OPRD1: variants seen among roughly 807,000 people sequenced by gnomAD.
The protein encoded by OPRD1 is opioid receptor delta 1, also known as delta-type opioid receptor.
A neutral mutation model predicts 17.5 loss-of-function variants in OPRD1; 19 were observed. The ratio of observed to expected loss-of-function variants is 1.09; its 90% CI spans 0.76 to 1.60. The LOEUF is 1.60. Among genes scored for constraint, OPRD1 ranks in the 40% most tolerant of loss-of-function variants. OPRD1 has a pLI of 0.00. For missense variants in OPRD1, 483 were observed against 547.2 expected, an observed-to-expected ratio of 0.88 and a Z score of 1.17; for synonymous variants, 256 against 240.9, an observed-to-expected ratio of 1.06 and a Z score of -0.58.
At chr1:28,823,387 G>GTTTGTTTATTTA (rs1298363911) in intron 1 of OPRD1, among the ~76,000 whole-genome samples, 3 of 141,018 alleles carry the variant, frequency 2.1e-5, no homozygotes, top group African/African-American at 8.4e-5. Flanking sequence ...TTATTTGTTT[G>GTTTGTTTATTTA]TTTATTTATT....
Position 28,867,136 on chromosome 1 carries a change from A to T in OPRD1, c.*3853A>T, listed in dbSNP as rs204072. 0.15 allele frequency: 23,496 copies of T among 151,602 alleles called. 2,795 individuals are homozygous for T. The highest frequency in any genetic ancestry group is 0.33 in the African/African-American group (13,532 of 41,282). The allele number at this position is 151,602 out of a possible 1,614,324, so 9.4% of individuals were successfully genotyped here. On this transcript the variant is annotated 3_prime_UTR_variant, in exon 3 of 3. Coordinates refer to ENST00000234961, the MANE Select transcript of OPRD1 (RefSeq NM_000911.4). ...GATCTTCCCACCTCAGCCTCCTGAG[A>T]ATCTGGGACGACGGGTGTGTGACAC...
chr1:28,830,992 C>CCTGGCCCCACCAGATG (rs1266618006), intron 1 of OPRD1, among the ~76,000 whole-genome samples: 3 of 152,368 alleles, frequency 2.0e-5, no homozygotes, highest in African/African-American at 7.2e-5. Flanking sequence ...TGCTGCTTCT[C>CCTGGCCCCACCAGATG]CTGGCCCCAC....
chr1:28,862,617 T>C, intron 2 of OPRD1, 125 bp from the exon 3 acceptor site: 1 of 863,360 alleles, frequency 1.2e-6, no homozygotes, highest in East Asian at 2.7e-5. Flanking sequence ...AGAATCCCCT[T>C]GAACAAAGGC....
intron 1 of OPRD1, among the ~76,000 whole-genome samples, chr1:28,837,285 G>A (rs906890067): frequency 1.3e-5 from 2 of 152,118 alleles, no homozygotes; most frequent in East Asian, 3.9e-4. Context: ...GCAATGGGGA[G>A]TGGCTATACA....
intron 1 of OPRD1, among the ~76,000 whole-genome samples, chr1:28,844,539 C>T (rs1303602371): frequency 2.0e-5 from 3 of 152,132 alleles, no homozygotes; most frequent in Admixed American, 6.6e-5. Context: ...GATCCACCCA[C>T]CTCAGCCTCC....
intron 1 of OPRD1, among the ~76,000 whole-genome samples, chr1:28,849,051 A>G (rs2088977106): frequency 6.6e-6 from 1 of 152,160 alleles, no homozygotes; most frequent in Non-Finnish European, 1.5e-5. Flanking sequence ...ACATGGAGGA[A>G]GTCTGGACTC....
Position 28,859,159 on chromosome 1 carries a change from G to A in OPRD1, c.433G>A (p.Asp145Asn). 2 of 1,614,244 alleles carry A rather than the reference G, an allele frequency of 1.2e-6. No homozygotes were observed. The highest frequency in any genetic ancestry group is 1.7e-6 in the Non-Finnish European group (2 of 1,180,052). ...SIFTLTMMSV[D>N]RYIAVCHPVK... ...CTTCACGCTCACCATGATGAGTGTT[G>A]ACCGCTACATCGCTGTCTGCCACCC... Residue 145 changes from aspartate to asparagine, a missense_variant, in exon 2 of 3, where the codon GAC (aspartate) becomes AAC (asparagine). Transcript: ENST00000234961.
intron 1 of OPRD1, among the ~76,000 whole-genome samples, chr1:28,847,465 G>A (rs1311419062): frequency 6.6e-6 from 1 of 152,182 alleles, no homozygotes; most frequent in African/African-American, 2.4e-5. Flanking sequence ...GTTCTTTGAC[G>A]TTGTACATGT....
rs2088890206 is a variant in OPRD1, at chr1:28,840,870, G to A, written c.228-18084G>A. On this transcript the variant is annotated intron_variant, in intron 1 of 2. Transcript: ENST00000234961. ...TGGGAGACGGAGGTTGCAGTGAGCTGAGATCACACCACTGCACTCTAGCCT... is the reference window on the plus strand; with the variant it reads ...TGGGAGACGGAGGTTGCAGTGAGCTAAGATCACACCACTGCACTCTAGCCT... Among the ~76,000 whole-genome samples the A allele has an allele frequency of 2.6e-5, 4 of 152,084 alleles. No homozygotes were observed. The South Asian group carries it at 8.3e-4, about 31-fold the overall frequency.
chr1:28,826,581 A>G (rs1366566358), intron 1 of OPRD1, among the ~76,000 whole-genome samples: 1 of 152,224 alleles, frequency 6.6e-6, no homozygotes, highest in African/African-American at 2.4e-5. Flanking sequence ...TATTATGTCT[A>G]AAGAAAAATA....
rs571560914 is a variant in OPRD1, at chr1:28,870,004, T to C, written c.*6721T>C. The C allele has an allele frequency of 2.0e-5, 3 of 152,336 alleles. No individual in the cohort carries two copies. In the East Asian group the frequency reaches 5.8e-4, roughly 29 times the overall value. The allele number at this position is 152,336 out of a possible 1,614,324, so 9.4% of individuals were successfully genotyped here. A position where few individuals can be genotyped will look rare whatever the true frequency, so the allele number is the denominator to read the frequency against. ...CTCTGAGCCATTTCTCAGTCATGGA[T>C]GACAGCACTTAGCTGATGAGAAGTT... On this transcript the variant is annotated 3_prime_UTR_variant, in exon 3 of 3. Transcript: ENST00000234961.
chr1:28,830,908 T>C (rs549362677), intron 1 of OPRD1, among the ~76,000 whole-genome samples: 52 of 152,294 alleles, frequency 3.4e-4, no homozygotes, highest in African/African-American at 1.2e-3. Flanking sequence ...CAAGAAGCCA[T>C]TGGTGATAAT....
chr1:28,836,869 C>T (rs909015416), intron 1 of OPRD1, among the ~76,000 whole-genome samples: 2 of 152,054 alleles, frequency 1.3e-5, no homozygotes, highest in Non-Finnish European at 2.9e-5. Context: ...GCAGCGGTCC[C>T]GAACCTTTTT....
At position 28,823,190 on chromosome 1, in the gene OPRD1, CTTTTTTTT is replaced by C. The variant is rs773578102; in HGVS notation, c.227+10597_227+10604del. On this transcript the variant is annotated intron_variant, in intron 1 of 2. Transcript: ENST00000234961. ...CAGAAAGAATCTTTTCTTCTGTAGT[CTTTTTTTT>C]TTTTTTTTTTTTTTTTGACATGGAG... Among the ~76,000 whole-genome samples the C allele has an allele frequency of 1.2e-3, 119 of 101,902 alleles. 1 individual carries two copies. The highest frequency in any genetic ancestry group is 4.7e-3 in the African/African-American group (114 of 24,150). The allele number at this position is 101,902 out of a possible 152,430, so 66.9% of individuals were successfully genotyped here.
chr1:28,817,692 G>T (rs1313234256), intron 1 of OPRD1, among the ~76,000 whole-genome samples: 1 of 152,052 alleles, frequency 6.6e-6, no homozygotes, highest in African/African-American at 2.4e-5. Flanking sequence ...GTGTGGCTTT[G>T]GGCAAAAACA....
At chr1:28,852,289 A>G (rs1395292867) in intron 1 of OPRD1, among the ~76,000 whole-genome samples, 2 of 152,160 alleles carry the variant, frequency 1.3e-5, no homozygotes, top group African/African-American at 4.8e-5. Context: ...ATTGGATGGA[A>G]GAGACATCTT....
At chr1:28,831,333 A>G (rs1252933733) in intron 1 of OPRD1, among the ~76,000 whole-genome samples, 2 of 152,146 alleles carry the variant, frequency 1.3e-5, no homozygotes, top group Non-Finnish European at 2.9e-5. Flanking sequence ...AACATGGTGA[A>G]ACACTGTCTC....
At chr1:28,845,331 A>C (rs1427817177) in intron 1 of OPRD1, among the ~76,000 whole-genome samples, 1 of 150,426 alleles carries the variant, frequency 6.6e-6, no homozygotes, top group Non-Finnish European at 1.5e-5. Context: ...TAAAAATACA[A>C]AAAAAAAATT....
chr1:28,826,001 C>T (rs569423519), intron 1 of OPRD1, among the ~76,000 whole-genome samples: 2 of 152,296 alleles, frequency 1.3e-5, no homozygotes, highest in South Asian at 2.1e-4. Flanking sequence ...TCCTTGCCCT[C>T]ATGGAGCTGA....
Sources: gnomAD v4.1 joint callset for allele counts (sites outside exome capture counted in the v4.1 genomes callset) on GRCh38, gnomAD v4.1.1 for gene constraint, MANE v1.5 for transcripts, NCBI Gene and HGNC (gene_info 2026-07-23, HGNC 2026-07-21) for gene names.